SLC22A2: variants seen among roughly 807,000 people sequenced by gnomAD.
The protein encoded by SLC22A2 is organic cation transporter 2.
Under a neutral mutation model 60.5 loss-of-function variants are expected in SLC22A2, and 46 were observed. The ratio of observed to expected loss-of-function variants is 0.76; its 90% CI spans 0.60 to 0.97. The LOEUF (loss-of-function observed/expected upper bound fraction) is 0.97. Among genes scored for constraint, SLC22A2 ranks in the 50% least tolerant of loss-of-function variants. The pLI, the probability that SLC22A2 is intolerant of heterozygous loss-of-function variation, is 0.00. For synonymous variants in SLC22A2, 303 were observed against 267.0 expected, an observed-to-expected ratio of 1.13 and a Z score of -1.31; for missense variants, 701 against 706.6, an observed-to-expected ratio of 0.99 and a Z score of 0.09.
At chr6:160,224,644 G>T in intron 10 of SLC22A2, 61 bp downstream of exon 10, 1 of 911,330 alleles carries the variant, frequency 1.1e-6, no homozygotes, top group South Asian at 2.1e-5. Flanking sequence ...CTTTCCAAAT[G>T]GCTATAGGGT....
At chr6:160,217,796 C>A in intron 10 of SLC22A2, 1 of 229,666 alleles carries the variant, frequency 4.4e-6, no homozygotes. Flanking sequence ...AAAGTCTAAA[C>A]TTAATCTTAT....
chr6:160,235,597 C>G (rs1042007559), intron 9 of SLC22A2, among the ~76,000 whole-genome samples: 6 of 92,964 alleles, frequency 6.5e-5, no homozygotes, highest in Admixed American at 1.2e-4. Flanking sequence ...AAAAGAAATT[C>G]TGTGTGTGAA....
At chr6:160,217,534 A>G in intron 10 of SLC22A2, 36 bp from the exon 11 acceptor site, 2 of 1,196,138 alleles carry the variant, frequency 1.7e-6, no homozygotes, top group Non-Finnish European at 2.5e-6. Flanking sequence ...GGGGAGAAAG[A>G]AATTATGAGG....
At chr6:160,230,827 C>G (rs1251099684) in intron 9 of SLC22A2, among the ~76,000 whole-genome samples, 1 of 151,984 alleles carries the variant, frequency 6.6e-6, no homozygotes, top group East Asian at 1.9e-4. Context: ...TCCTCCTAGC[C>G]ATGTCCCATC....
chr6:160,240,068 G>A lies in SLC22A2; in HGVS notation c.1501+1406C>T, dbSNP rs576194771. The stretch of plus-strand genomic sequence containing the variant: ...ACTGAGGAAAATGTCCCAGTCAGTC[G>A]AGGTTTATTAAGTCAGCTTTAGGGC... On this transcript the variant is annotated intron_variant, in intron 9 of 10. Coordinates refer to ENST00000366953, the MANE Select transcript of SLC22A2 (RefSeq NM_003058.4). Among the ~76,000 whole-genome samples the A allele has an allele frequency of 3.9e-5, 6 of 152,222 alleles. No individual in the cohort carries two copies. The East Asian group carries it at 9.7e-4, about 25-fold the overall frequency.
At chr6:160,223,919 A>C (rs2114850215) in intron 10 of SLC22A2, among the ~76,000 whole-genome samples, 1 of 152,120 alleles carries the variant, frequency 6.6e-6, no homozygotes, top group Non-Finnish European at 1.5e-5. Context: ...TTTAGTAGAG[A>C]CGGGGTTTCA....
At chr6:160,225,192 C>T (rs1346092452) in intron 9 of SLC22A2, among the ~76,000 whole-genome samples, 1 of 152,098 alleles carries the variant, frequency 6.6e-6, no homozygotes, top group East Asian at 1.9e-4. Context: ...TGGATCATTT[C>T]TAGCAAATAA....
chr6:160,225,480 G>A (rs560158033), intron 9 of SLC22A2, among the ~76,000 whole-genome samples: 48 of 152,194 alleles, frequency 3.2e-4, no homozygotes, highest in South Asian at 2.1e-3. Flanking sequence ...AACACTGCAT[G>A]CCAGTCTCTA....
At chr6:160,233,521 A>G (rs1782860030) in intron 9 of SLC22A2, among the ~76,000 whole-genome samples, 1 of 151,848 alleles carries the variant, frequency 6.6e-6, no homozygotes, top group African/African-American at 2.4e-5. Flanking sequence ...AGAGCCCAAA[A>G]ACTCACCAAC....
chr6:160,224,889 C>CT (rs3219197), intron 9 of SLC22A2, 85 bp from the exon 10 acceptor site: 404,292 of 581,808 alleles, frequency 0.69, 146,605 homozygotes, highest in Admixed American at 0.82. Flanking sequence ...TTGTTTAAAA[C>CT]TTTTTTTTAG....
intron 4 of SLC22A2, among the ~76,000 whole-genome samples, chr6:160,248,744 G>A (rs1249275618): frequency 6.6e-6 from 1 of 152,176 alleles, no homozygotes; most frequent in African/African-American, 2.4e-5. Flanking sequence ...GGAGTGTCAT[G>A]TTGGCCTTAT....
chr6:160,249,737 G>C (rs1783153755), intron 3 of SLC22A2, among the ~76,000 whole-genome samples: 1 of 152,176 alleles, frequency 6.6e-6, no homozygotes, highest in Admixed American at 6.5e-5. Flanking sequence ...ATTAAATTTA[G>C]ACCGTAGATG....
chr6:160,229,507 G>T (rs1314454965), intron 9 of SLC22A2, among the ~76,000 whole-genome samples: 1 of 151,694 alleles, frequency 6.6e-6, no homozygotes, highest in African/African-American at 2.4e-5. Flanking sequence ...TGAATTGCGG[G>T]GGCGCCTGCT....
intron 2 of SLC22A2, among the ~76,000 whole-genome samples, chr6:160,252,458 T>C (rs1393332066): frequency 6.6e-6 from 1 of 152,234 alleles, no homozygotes; most frequent in East Asian, 1.9e-4. Flanking sequence ...GAAGCAATGC[T>C]ACTTAAAAGA....
At chr6:160,233,347 G>A (rs1052902759) in intron 9 of SLC22A2, among the ~76,000 whole-genome samples, 1 of 151,740 alleles carries the variant, frequency 6.6e-6, no homozygotes, top group African/African-American at 2.4e-5. Context: ...GCCTTTATTA[G>A]TCAAATCACC....
Position 160,258,448 on chromosome 6 carries a change from C to G in SLC22A2, c.310G>C (p.Val104Leu), listed in dbSNP as rs1426011535. The G allele has an allele frequency of 6.2e-7, 1 of 1,614,130 alleles. No homozygotes were observed. Among genetic ancestry groups the G allele is most frequent in the Admixed American group, 1.7e-5 (1 of 60,026 alleles). The change falls in exon 1 of 11, where the codon GTG (valine) becomes CTG (leucine). Residue 104 changes from valine (V) to leucine (L), a missense_variant. By Grantham distance (32) the Val-to-Leu change is conservative. Transcript: ENST00000366953. ...GTGTCCAGGCTGGCCAGGGGGTCCA[C>G]GCAGTCGAAGGTGCTCTGGTTCCAG... ...VDWNQSTFDC[V>L]DPLASLDTNR...
chr6:160,219,641 TAAC>T (rs1442681844), intron 10 of SLC22A2, among the ~76,000 whole-genome samples: 2 of 151,226 alleles, frequency 1.3e-5, no homozygotes, highest in African/African-American at 4.9e-5. Flanking sequence ...TTAATAATAA[TAAC>T]GCCTATTTCA....
chr6:160,221,770 G>A (rs967155216), intron 10 of SLC22A2, among the ~76,000 whole-genome samples: 1 of 152,212 alleles, frequency 6.6e-6, no homozygotes, highest in Non-Finnish European at 1.5e-5. Context: ...TATCAATTAA[G>A]TTTGCTGTTT....
At position 160,258,556 on chromosome 6, in the gene SLC22A2, C is replaced by T; in HGVS notation, c.202G>A (p.Ala68Thr). 2 of 1,613,844 alleles carry T rather than the reference C, an allele frequency of 1.2e-6. No homozygotes were observed. The highest frequency in any genetic ancestry group is 1.7e-6 in the Non-Finnish European group (2 of 1,179,846). Residue 68 changes from alanine (A) to threonine (T), a missense_variant, in exon 1 of 11, where the codon GCA becomes ACA. Ala to Thr is a moderately conservative substitution (Grantham distance 58, BLOSUM62 0). Transcript: ENST00000366953. The stretch of plus-strand genomic sequence containing the variant: ...GGCACCGTGTAGTTCAGTTCCTCTG[C>T]AGGACTCCAGCCGCAGCGCAGACTC... ...ELSLRCGWSP[A>T]EELNYTVPGP...
Sources: gnomAD v4.1 joint callset for allele counts (sites outside exome capture counted in the v4.1 genomes callset) on GRCh38, gnomAD v4.1.1 for gene constraint, MANE v1.5 for transcripts, NCBI Gene and HGNC (gene_info 2026-07-23, HGNC 2026-07-21) for gene names.